SLC20A2: variants seen among roughly 807,000 people sequenced by gnomAD.
SLC20A2 encodes the protein solute carrier family 20 member 2, also known as sodium-dependent phosphate transporter 2.
A neutral mutation model predicts 61.0 loss-of-function variants in SLC20A2; 30 were observed. The observed-to-expected ratio is 0.49, with a 90% CI of 0.37 to 0.67. The LOEUF is 0.67. SLC20A2 is among the 30% of genes least tolerant of loss of function. The pLI is 0.00. For missense variants in SLC20A2, 626 were observed against 866.4 expected, an observed-to-expected ratio of 0.72 and a Z score of 3.48; for synonymous variants, 351 against 353.3, an observed-to-expected ratio of 0.99 and a Z score of 0.07.
chr8:42,533,654 C>CTTTTTTTTTTTTT (rs1162369065), intron 1 of SLC20A2, among the ~76,000 whole-genome samples: 14 of 55,298 alleles, frequency 2.5e-4, no homozygotes, highest in South Asian at 7.8e-4. Context: ...ATCAACTGTT[C>CTTTTTTTTTTTTT]TTTTTTTTTT....
chr8:42,517,035 C>G (rs1173201010), intron 1 of SLC20A2, among the ~76,000 whole-genome samples: 1 of 152,188 alleles, frequency 6.6e-6, no homozygotes, highest in Non-Finnish European at 1.5e-5. Flanking sequence ...ATCATTTATC[C>G]TTAGTATCTC....
chr8:42,506,301 C>G (rs1318680623), intron 1 of SLC20A2, among the ~76,000 whole-genome samples: 1 of 152,158 alleles, frequency 6.6e-6, no homozygotes, highest in Non-Finnish European at 1.5e-5. Context: ...CAAAGTGTAC[C>G]CCACGACCTA....
intron 10 of SLC20A2, among the ~76,000 whole-genome samples, chr8:42,423,104 G>A (rs987781915): frequency 6.6e-6 from 1 of 151,828 alleles, no homozygotes; most frequent in Non-Finnish European, 1.5e-5. Context: ...GCATAACTTG[G>A]TTGCCACAGG....
At chr8:42,489,121 T>C (rs886953637) in intron 1 of SLC20A2, among the ~76,000 whole-genome samples, 1 of 152,080 alleles carries the variant, frequency 6.6e-6, no homozygotes, top group Non-Finnish European at 1.5e-5. Flanking sequence ...GTATTTTTAG[T>C]AGAGACAGGG....
intron 1 of SLC20A2, among the ~76,000 whole-genome samples, chr8:42,498,598 C>T (rs1290948202): frequency 6.6e-6 from 1 of 152,098 alleles, no homozygotes; most frequent in East Asian, 1.9e-4. Flanking sequence ...GACAGCAGTA[C>T]CCCGTATGCC....
At chr8:42,492,855 A>G (rs749450119) in intron 1 of SLC20A2, among the ~76,000 whole-genome samples, 7 of 151,864 alleles carry the variant, frequency 4.6e-5, no homozygotes, top group Non-Finnish European at 8.8e-5. Flanking sequence ...AACTTTTTGT[A>G]TTTTTAGTAG....
intron 1 of SLC20A2, among the ~76,000 whole-genome samples, chr8:42,495,136 T>C (rs1296452354): frequency 6.6e-6 from 1 of 152,162 alleles, no homozygotes; most frequent in Non-Finnish European, 1.5e-5. Flanking sequence ...ATTAAAGCCA[T>C]GAGCCACTGC....
At chr8:42,432,616 G>A (rs1414308072) in intron 8 of SLC20A2, among the ~76,000 whole-genome samples, 1 of 152,172 alleles carries the variant, frequency 6.6e-6, no homozygotes, top group Non-Finnish European at 1.5e-5. Context: ...TTTTGTGAAA[G>A]GAAGTTAATT....
chr8:42,482,136 A>T (rs752718121), intron 1 of SLC20A2, among the ~76,000 whole-genome samples: 2 of 152,232 alleles, frequency 1.3e-5, no homozygotes, highest in Non-Finnish European at 2.9e-5. Flanking sequence ...CATGACTTAC[A>T]TGGAAAATAT....
At chr8:42,496,285 T>C (rs1809920751) in intron 1 of SLC20A2, among the ~76,000 whole-genome samples, 1 of 152,234 alleles carries the variant, frequency 6.6e-6, no homozygotes. Flanking sequence ...TTTATTGTCC[T>C]AAATGCTATA....
At chr8:42,502,332 A>G (rs754678278), upstream of SLC20A2, 1 of 152,174 alleles carries the variant, frequency 6.6e-6, no homozygotes, top group Non-Finnish European at 1.5e-5. Context: ...CTCATTTTAA[A>G]ATGTCATATG....
chr8:42,428,913 G>C, intron 9 of SLC20A2, 71 bp from the exon 10 acceptor site: 2 of 1,283,322 alleles, frequency 1.6e-6, no homozygotes, highest in African/African-American at 1.5e-5. Flanking sequence ...GTGGGTGCTA[G>C]AGGCTCACCA....
chr8:42,449,311 G>A (rs1242130546), intron 5 of SLC20A2, among the ~76,000 whole-genome samples: 5 of 152,138 alleles, frequency 3.3e-5, no homozygotes, highest in East Asian at 1.9e-4. Context: ...ACTAAAAGGC[G>A]CAAATGTCAA....
At chr8:42,530,002 T>C (rs1812218408) in intron 1 of SLC20A2, among the ~76,000 whole-genome samples, 1 of 152,204 alleles carries the variant, frequency 6.6e-6, no homozygotes, top group South Asian at 2.1e-4. Flanking sequence ...AATACCAACA[T>C]TTTAAAATTA....
intron 9 of SLC20A2, 71 bp downstream of exon 9, chr8:42,429,993 C>A: frequency 7.2e-7 from 1 of 1,383,810 alleles, no homozygotes; most frequent in Non-Finnish European, 9.8e-7. Flanking sequence ...GCCGTTCAGA[C>A]ACAGCCGGGA....
chr8:42,464,969 C>T (rs1040231427), intron 3 of SLC20A2, among the ~76,000 whole-genome samples: 1 of 151,880 alleles, frequency 6.6e-6, no homozygotes, highest in Non-Finnish European at 1.5e-5. Flanking sequence ...GGTGCCAGAG[C>T]GAGACTCCAT....
At chr8:42,488,929 A>AGTTTT (rs1809275373) in intron 1 of SLC20A2, among the ~76,000 whole-genome samples, 1 of 117,866 alleles carries the variant, frequency 8.5e-6, no homozygotes, top group Admixed American at 8.6e-5. Context: ...GAGTTATAGG[A>AGTTTT]GTTTTGTTTT....
intron 1 of SLC20A2, among the ~76,000 whole-genome samples, chr8:42,476,419 A>G (rs971475687): frequency 4.6e-5 from 7 of 152,062 alleles, no homozygotes; most frequent in African/African-American, 9.7e-5. Flanking sequence ...CTGTGTCTCA[A>G]TGGAGGACTC....
rs1235276035 is a variant in SLC20A2 at position 42,460,827 on chromosome 8, AC to A, written c.517-836del. On this transcript the variant is annotated intron_variant, in intron 4 of 10. Coordinates refer to ENST00000520262, the MANE Select transcript of SLC20A2 (RefSeq NM_001257180.2). ...ACTCCCATCAATGTAACACTGGCAC[AC>A]AGATGTGGCTCAAATAATTCAAAAA... Among the ~76,000 whole-genome samples the A allele has an allele frequency of 2.0e-5, 3 of 152,364 alleles. No homozygotes were observed. The East Asian group carries it at 5.8e-4, about 29-fold the overall frequency.
Sources: allele counts gnomAD v4.1 joint callset (sites outside exome capture counted in the v4.1 genomes callset), GRCh38; gene constraint gnomAD v4.1.1; transcripts MANE v1.5; gene names NCBI Gene and HGNC (gene_info 2026-07-23, HGNC 2026-07-21).